The following PACS2 variants were observed in gnomAD, a reference collection of about 807,000 sequenced individuals.
PACS2 encodes the protein phosphofurin acidic cluster sorting protein 2.
Under a neutral mutation model 113.0 loss-of-function variants are expected in PACS2, and 36 were observed. The observed-to-expected ratio is 0.32, with a 90% CI of 0.24 to 0.42. The LOEUF (loss-of-function observed/expected upper bound fraction) is 0.42. Among genes scored for constraint, PACS2 ranks in the 10% least tolerant of loss-of-function variants. The pLI, the probability that PACS2 is intolerant of heterozygous loss-of-function variation, is 1.00. For missense variants in PACS2, 1,015 were observed against 1,239.5 expected, an observed-to-expected ratio of 0.82 and a Z score of 2.72; for synonymous variants, 589 against 536.1, an observed-to-expected ratio of 1.10 and a Z score of -1.36.
chr14:105,394,129 G>T (rs1416314522), intron 24 of PACS2: 1 of 887,696 alleles, frequency 1.1e-6, no homozygotes, highest in African/African-American at 1.8e-5. Context: ...CTCTTTTTGA[G>T]CACGGGTCAG....
chr14:105,332,160 A>T (rs1306006602), intron 1 of PACS2, among the ~76,000 whole-genome samples: 1 of 152,226 alleles, frequency 6.6e-6, no homozygotes, highest in Non-Finnish European at 1.5e-5. Context: ...TCAGTCAGAC[A>T]TTGCATCTCC....
At position 105,315,335 on chromosome 14, in the gene PACS2, A is replaced by G. The variant is rs2058541056; in HGVS notation, c.119+298A>G. 6.5e-6 allele frequency: 1 copy of G among 153,312 alleles called. No homozygotes were observed. Among genetic ancestry groups the G allele is most frequent in the Middle Eastern group, 3.3e-3 (1 of 300 alleles). 9.5% of individuals were successfully genotyped at this position (153,312 alleles called of 1,614,324 possible). The stretch of plus-strand genomic sequence containing the variant: ...GGCGGCGCTCACCTGGCTCGCCGCA[A>G]CCGCACCTGCACACCTGCCTCAATG... On this transcript the variant is annotated intron_variant, in intron 1 of 24. Coordinates refer to ENST00000447393, the MANE Select transcript of PACS2 (RefSeq NM_001100913.3). This position sits in a 1 kb window ranked among gnomAD's most constrained non-coding sequence, Gnocchi z 4.4.
chr14:105,334,098 A>G (rs951832178), intron 1 of PACS2, among the ~76,000 whole-genome samples: 1 of 152,180 alleles, frequency 6.6e-6, no homozygotes, highest in Non-Finnish European at 1.5e-5. Flanking sequence ...TGTCTGGTCT[A>G]GAGCCTGGCC....
chr14:105,374,941 C>T (rs1374628069), intron 8 of PACS2: 1 of 152,146 alleles, frequency 6.6e-6, no homozygotes, highest in Non-Finnish European at 1.5e-5. Flanking sequence ...AGCTGCGAGC[C>T]GCGGTTGACA....
chr14:105,314,880 G>T lies in PACS2; in HGVS notation c.-39G>T. On this transcript the variant is annotated 5_prime_UTR_variant, in exon 1 of 25. Coordinates refer to ENST00000447393, the MANE Select transcript of PACS2 (RefSeq NM_001100913.3). The stretch of plus-strand genomic sequence containing the variant: ...CCCGCCGCGCGTCCGCGGCCCGGCC[G>T]CAGCCCCAGGCCGCCGAGGGAGCGG... 3.2e-6 allele frequency: 3 copies of T among 925,982 alleles called. No homozygotes were observed. Among genetic ancestry groups the T allele is most frequent in the Non-Finnish European group, 3.8e-6 (3 of 781,458 alleles). The allele number at this position is 925,982 out of a possible 1,614,324, so 57.4% of individuals were successfully genotyped here.
chr14:105,360,646 C>T (rs886299368), intron 4 of PACS2, among the ~76,000 whole-genome samples: 1 of 151,748 alleles, frequency 6.6e-6, no homozygotes, highest in South Asian at 2.1e-4. Context: ...GGGTGCTGAC[C>T]GGTCAGAGTG....
chr14:105,374,384 G>A (rs1232310027), intron 8 of PACS2, among the ~76,000 whole-genome samples: 2 of 152,234 alleles, frequency 1.3e-5, no homozygotes, highest in African/African-American at 4.8e-5. Flanking sequence ...CAGTAGAACA[G>A]AAGAATGTTT....
rs973602466 is a variant in PACS2, at chr14:105,356,562, G to A, written c.423+1385G>A. On this transcript the variant is annotated intron_variant, in intron 4 of 24. Transcript: ENST00000447393. The surrounding 1 kb of genome is among the most constrained non-coding windows in gnomAD (Gnocchi z 4.0). ...AACAGGTAGCTCAGGGATGCTCTCT[G>A]GGCTGTGAGAGCCTCCTGGGAGCCA... Among the ~76,000 whole-genome samples the A allele has an allele frequency of 1.1e-4, 16 of 152,174 alleles. No homozygotes were observed. The highest frequency in any genetic ancestry group is 3.9e-4 in the African/African-American group (16 of 41,430).
intron 12 of PACS2, among the ~76,000 whole-genome samples, chr14:105,381,584 G>A (rs990487002): frequency 6.6e-6 from 1 of 152,154 alleles, no homozygotes; most frequent in Non-Finnish European, 1.5e-5. Context: ...CCTGCACCTG[G>A]CTCTGCCCAG....
chr14:105,303,478 C>T (rs587661805), intron 1 of PACS2, among the ~76,000 whole-genome samples: 7 of 152,134 alleles, frequency 4.6e-5, no homozygotes, highest in South Asian at 2.1e-4. Flanking sequence ...CTCCTGACCT[C>T]GTGATCCACC....
intron 22 of PACS2, 141 bp downstream of exon 22, chr14:105,391,907 C>T (rs937733740): frequency 5.4e-5 from 45 of 834,834 alleles, no homozygotes; most frequent in African/African-American, 4.5e-4. Context: ...CTCTGCAGGA[C>T]GGCTGGGTCC....
chr14:105,377,778 G>T (rs182709571), intron 9 of PACS2, among the ~76,000 whole-genome samples: 44 of 152,366 alleles, frequency 2.9e-4, no homozygotes, highest in African/African-American at 9.4e-4. Context: ...CGCGGATGTG[G>T]CCACCAGAAA....
At chr14:105,318,647 A>T (rs1179943086) in intron 1 of PACS2, among the ~76,000 whole-genome samples, 1 of 143,546 alleles carries the variant, frequency 7.0e-6, no homozygotes, top group Admixed American at 7.1e-5. Context: ...TTATTTATTT[A>T]TTTATTTTTA....
intron 22 of PACS2, chr14:105,392,408 G>A (rs936348037): frequency 1.9e-5 from 11 of 582,206 alleles, no homozygotes; most frequent in African/African-American, 5.6e-5. Flanking sequence ...CTCTCCTGTC[G>A]CCAGGGTCCC....
At chr14:105,326,381 G>A (rs923336257) in intron 1 of PACS2, among the ~76,000 whole-genome samples, 5 of 152,222 alleles carry the variant, frequency 3.3e-5, no homozygotes, top group East Asian at 1.9e-4. Context: ...CTTCCCAGTC[G>A]CCCCAGGAGC....
At chr14:105,362,442 A>G (rs1487477154) in intron 4 of PACS2, among the ~76,000 whole-genome samples, 1 of 151,666 alleles carries the variant, frequency 6.6e-6, no homozygotes. Flanking sequence ...AAAAGAAAAA[A>G]AAAGAATGGT....
intron 1 of PACS2, among the ~76,000 whole-genome samples, chr14:105,334,762 G>A (rs761004800): frequency 1.1e-4 from 16 of 152,260 alleles, no homozygotes; most frequent in Non-Finnish European, 1.5e-5. Flanking sequence ...GGTGCACGTG[G>A]CCACACAAGT....
rs368825077 is a variant in PACS2, at chr14:105,352,529, CT to C, written c.297+63del. The C allele has an allele frequency of 3.8e-3, 3,677 of 957,456 alleles. 65 individuals are homozygous for C. The African/African-American group carries it at 0.044, about 11-fold the overall frequency. The allele number at this position is 957,456 out of a possible 1,614,324, so 59.3% of individuals were successfully genotyped here. A position where few individuals can be genotyped will look rare whatever the true frequency, so the allele number is the denominator to read the frequency against. ...CTGTCCCCTGGGGAGACGGGCCCCC[CT>C]CATCACTGTCCCCTGGGGAGACGGG... On this transcript the variant is annotated intron_variant, in intron 3 of 24. Transcript: ENST00000447393.
At chr14:105,374,249 C>T (rs1428381985) in intron 8 of PACS2, among the ~76,000 whole-genome samples, 1 of 151,834 alleles carries the variant, frequency 6.6e-6, no homozygotes, top group African/African-American at 2.4e-5. Context: ...ATCTTATGAC[C>T]TTGGGTTAGG....
Sources: gnomAD v4.1 joint callset for allele counts (sites outside exome capture counted in the v4.1 genomes callset) on GRCh38, gnomAD v4.1.1 for gene constraint, Gnocchi (gnomAD v3.1) non-coding constraint, MANE v1.5 for transcripts, NCBI Gene and HGNC (gene_info 2026-07-23, HGNC 2026-07-21) for gene names.